A3GALT2: variants seen among roughly 807,000 people sequenced by gnomAD.
A3GALT2 encodes the protein alpha 1,3-galactosyltransferase 2.
A neutral mutation model predicts 16.6 loss-of-function variants in A3GALT2; 14 were observed. That is an observed-to-expected ratio of 0.84 (90% CI 0.56 to 1.32). The LOEUF (loss-of-function observed/expected upper bound fraction) is 1.32, where lower values mean the gene tolerates loss of function less well. A3GALT2 is among the 40% of genes most tolerant of loss of function. The pLI is 0.00. For synonymous variants in A3GALT2, 253 were observed against 218.0 expected (o/e 1.16, Z -1.42); for missense variants, 600 against 490.9 (o/e 1.22, Z -2.10).
chr1:33,308,236 G>A lies in A3GALT2; in HGVS notation c.336-783C>T, dbSNP rs114925684. Among the ~76,000 whole-genome samples, 403 of 150,512 alleles carry A rather than the reference G, an allele frequency of 2.7e-3. 3 individuals are homozygous for A. The highest frequency in any genetic ancestry group is 9.5e-3 in the African/African-American group (389 of 40,820). ...GACTGGCAGCGTTTCTCTCTTTAGAGCTCTAAGCCTCCATATAAGAAGTCC... is the reference window on the plus strand; with the variant it reads ...GACTGGCAGCGTTTCTCTCTTTAGAACTCTAAGCCTCCATATAAGAAGTCC... On this transcript the variant is annotated intron_variant, in intron 4 of 4. Coordinates refer to ENST00000442999, the MANE Select transcript of A3GALT2 (RefSeq NM_001080438.1).
In A3GALT2 at chr1:33,307,332, C is replaced by A. The variant is rs747476197; in HGVS notation, c.457G>T (p.Gly153Cys). The A allele has an allele frequency of 6.5e-7, 1 of 1,530,632 alleles. No individual in the cohort carries two copies. The highest frequency in any genetic ancestry group is 8.7e-7 in the Non-Finnish European group (1 of 1,147,206). 94.8% of individuals were successfully genotyped at this position (1,530,632 alleles called of 1,614,324 possible). The change falls in exon 5 of 5, where the codon GGC becomes TGC. Residue 153 changes from glycine to cysteine, a missense_variant. Gly to Cys is a radical substitution (Grantham distance 159, BLOSUM62 -3). Transcript: ENST00000442999. The stretch of plus-strand genomic sequence containing the variant: ...TCCACGGGCAGCCGGCGTCCCGGGC[C>A]CAGCGCCACGCGGGGCACCGCTCCC... ...LPGAVPRVALGPGRRLPVERV... is the reference protein window; with the variant it reads ...LPGAVPRVALCPGRRLPVERV...
In A3GALT2 at chr1:33,312,870, C is replaced by T. The variant is rs1233051992; in HGVS notation, c.44G>A (p.Trp15Ter). 1 of 1,606,560 alleles carries T rather than the reference C, an allele frequency of 6.2e-7. No homozygotes were observed. Among genetic ancestry groups the T allele is most frequent in the Non-Finnish European group, 8.5e-7 (1 of 1,176,650 alleles). ...EGLRAWKRIF[W>*]RQILLTLGLL... is the part of the protein sequence containing the mutation. ...GCCAAGTGTAAGTAGGATCTGCCGC[C>T]AGAAGATTCTCTTCCAGGCCCTGGG... Residue 15 changes from tryptophan to a stop codon, truncating the protein, a stop_gained, in exon 2 of 5, where the codon TGG (tryptophan) becomes TAG (stop). Coordinates refer to ENST00000442999, the MANE Select transcript of A3GALT2 (RefSeq NM_001080438.1). LOFTEE classifies it high-confidence loss of function.
At chr1:33,316,728 G>T (rs1198233342) in intron 1 of A3GALT2, among the ~76,000 whole-genome samples, 1 of 152,204 alleles carries the variant, frequency 6.6e-6, no homozygotes, top group Non-Finnish European at 1.5e-5. Flanking sequence ...GAAGATGCCT[G>T]GTTGTCTGGT....
chr1:33,321,038 C>G (rs760762237), intron 1 of A3GALT2, 38 bp downstream of exon 1: 2 of 1,612,660 alleles, frequency 1.2e-6, no homozygotes, highest in Non-Finnish European at 1.7e-6. Context: ...CAGCTGTCCC[C>G]AAGCTTTCTT....
rs1646243785 is a variant in A3GALT2 at position 33,313,174 on chromosome 1, A to AT, written c.24-285_24-284insA. The AT allele has an allele frequency of 2.0e-3, 13 of 6,598 alleles. 2 individuals carry two copies. Among genetic ancestry groups the AT allele is most frequent in the South Asian group, 5.3e-3 (2 of 378 alleles). 0.4% of individuals were successfully genotyped at this position (6,598 alleles called of 1,614,324 possible). A position where few individuals can be genotyped will look rare whatever the true frequency, so the allele number is the denominator to read the frequency against. On this transcript the variant is annotated intron_variant, in intron 1 of 4. Transcript: ENST00000442999. ...ACAAGTGTTTGTGGCTCAGTGACGG[A>AT]GTTTTTTTTTTTTTTTTTTTTTTTT...
intron 4 of A3GALT2, 70 bp from the exon 5 acceptor site, chr1:33,307,523 C>T: frequency 1.5e-6 from 2 of 1,298,268 alleles, no homozygotes; most frequent in African/African-American, 1.6e-5. Flanking sequence ...CCTCATCTCA[C>T]CTCTACTCCC....
chr1:33,313,182 T>TTTTG (rs1553181609), intron 1 of A3GALT2: 1 of 242,568 alleles, frequency 4.1e-6, no homozygotes, highest in African/African-American at 2.7e-5. Context: ...GGAGTTTTTT[T>TTTTG]TTTTTTTTTT....
rs10662364 is a variant in A3GALT2 at position 33,313,175 on chromosome 1, GT to G, written c.24-286del. 9.3e-3 allele frequency: 846 copies of G among 90,518 alleles called. 109 individuals are homozygous for G. Among genetic ancestry groups the G allele is most frequent in the South Asian group, 0.023 (92 of 4,040 alleles). 5.6% of individuals were successfully genotyped at this position (90,518 alleles called of 1,614,324 possible). The stretch of plus-strand genomic sequence containing the variant: ...CAAGTGTTTGTGGCTCAGTGACGGA[GT>G]TTTTTTTTTTTTTTTTTTTTTTTTT... On this transcript the variant is annotated intron_variant, in intron 1 of 4. Transcript: ENST00000442999.
rs1646216251 is a variant in A3GALT2, at chr1:33,308,750, G to GTTGTTTTTTTTTTTTTTTTTT, written c.336-1298_336-1297insAAAAAAAAAAAAAAAAAACAA. On this transcript the variant is annotated intron_variant, in intron 4 of 4. Transcript: ENST00000442999. Reference sequence around the variant, plus strand: ...ATTATTTTTTTGTCATGTCAAAGTTGTTTTTTTTTTTTTTTTTTTTTTTTT... The same window carrying GTTGTTTTTTTTTTTTTTTTTT: ...ATTATTTTTTTGTCATGTCAAAGTTGTTGTTTTTTTTTTTTTTTTTTTTTTTTTTTTTTTTTTTTTTTTTTT... Among the ~76,000 whole-genome samples the GTTGTTTTTTTTTTTTTTTTTT allele has an allele frequency of 1.1e-4, 5 of 46,128 alleles. 1 individual carries two copies. Among genetic ancestry groups the GTTGTTTTTTTTTTTTTTTTTT allele is most frequent in the Non-Finnish European group, 1.1e-4 (3 of 26,308 alleles). 30.3% of individuals were successfully genotyped at this position (46,128 alleles called of 152,430 possible).
Position 33,309,390 on chromosome 1 carries a change from G to A in A3GALT2, c.336-1937C>T, listed in dbSNP as rs541617845. Among the ~76,000 whole-genome samples the A allele has an allele frequency of 5.4e-5, 8 of 148,834 alleles. No individual in the cohort carries two copies. In the East Asian group the frequency reaches 6.2e-4, roughly 11 times the overall value. On this transcript the variant is annotated intron_variant, in intron 4 of 4. Coordinates refer to ENST00000442999, the MANE Select transcript of A3GALT2 (RefSeq NM_001080438.1). The stretch of plus-strand genomic sequence containing the variant: ...CTCCCAGACGGGGGGCTGGCCGGGC[G>A]GGGGCTGCCCCCCACCTCCCTCCCG...
intron 4 of A3GALT2, among the ~76,000 whole-genome samples, chr1:33,309,629 G>A (rs1031773011): frequency 1.5e-4 from 22 of 151,594 alleles, no homozygotes; most frequent in Admixed American, 4.6e-4. Context: ...CAGACGGGGT[G>A]GCGGTCGGGC....
intron 1 of A3GALT2, among the ~76,000 whole-genome samples, chr1:33,319,709 A>G (rs919159387): frequency 2.6e-5 from 4 of 152,042 alleles, no homozygotes; most frequent in African/African-American, 7.2e-5. Context: ...TCACTCCCCA[A>G]TCTCAGCATC....
In A3GALT2 at chr1:33,307,244, G is replaced by T. The variant is rs761519663; in HGVS notation, c.545C>A (p.Ala182Glu). 2.7e-6 allele frequency: 4 copies of T among 1,480,832 alleles called. No homozygotes were observed. Among genetic ancestry groups the T allele is most frequent in the African/African-American group, 2.9e-5 (2 of 68,426 alleles). 91.7% of individuals were successfully genotyped at this position (1,480,832 alleles called of 1,614,324 possible). ...GCGGCCCGGCAGCCCGCCCAGCGCC[G>T]CGTGCAACGTGCGCATGCGCGCCAT... is the stretch of plus-strand genomic sequence containing the variant. Reference protein sequence around the residue: ...VSMARMRTLHAALGGLPGREA... With the variant: ...VSMARMRTLHEALGGLPGREA... The change falls in exon 5 of 5, where the codon GCG (alanine) becomes GAG (glutamate). Residue 182 changes from alanine to glutamate, a missense_variant. Transcript: ENST00000442999.
In A3GALT2 at chr1:33,320,100, G is replaced by A. The variant is rs998803898; in HGVS notation, c.23+976C>T. On this transcript the variant is annotated intron_variant, in intron 1 of 4. Coordinates refer to ENST00000442999, the MANE Select transcript of A3GALT2 (RefSeq NM_001080438.1). This position sits in a 1 kb window ranked among gnomAD's most constrained non-coding sequence, Gnocchi z 4.3. ...GTTCTCGGCCCTGTTATTTCTCCCC[G>A]TGGGCTTGGCTTCTTCCCTTCGCAC... Among the ~76,000 whole-genome samples, 19 of 151,838 alleles carry A rather than the reference G, an allele frequency of 1.3e-4. No individual in the cohort carries two copies. The highest frequency in any genetic ancestry group is 4.3e-4 in the African/African-American group (18 of 41,382).
At chr1:33,309,154 C>T (rs910178368) in intron 4 of A3GALT2, among the ~76,000 whole-genome samples, 1 of 152,134 alleles carries the variant, frequency 6.6e-6, no homozygotes, top group African/African-American at 2.4e-5. Context: ...ATGGAGTATC[C>T]TATGTCTACT....
At chr1:33,309,061 G>A (rs552567490) in intron 4 of A3GALT2, among the ~76,000 whole-genome samples, 1 of 151,842 alleles carries the variant, frequency 6.6e-6, no homozygotes, top group Admixed American at 6.5e-5. Flanking sequence ...CACAGCACAT[G>A]TTTCAGAGAG....
At position 33,306,988 on chromosome 1, in the gene A3GALT2, C is replaced by CCGCACAGTGCGCCGTCAGT. The variant is rs1557805555; in HGVS notation, c.800_801insACTGACGGCGCACTGTGCG (p.Gly274AlafsTer?). On this transcript the variant is annotated frameshift_variant, in exon 5 of 5. Transcript: ENST00000442999. LOFTEE classifies it low-confidence loss of function (END_TRUNC). ...GGCCCCCCGCACAGTGCGCCGTCAGCCCGCGCAGCGCCGCCACGCTGCCCC... is the reference window on the plus strand; with the variant it reads ...GGCCCCCCGCACAGTGCGCCGTCAGCCGCACAGTGCGCCGTCAGTCCGCGCAGCGCCGCCACGCTGCCCC... 8 of 1,466,738 alleles carry CCGCACAGTGCGCCGTCAGT rather than the reference C, an allele frequency of 5.5e-6. No individual in the cohort carries two copies. In the African/African-American group the frequency reaches 1.0e-4, roughly 19 times the overall value. 90.9% of individuals were successfully genotyped at this position (1,466,738 alleles called of 1,614,324 possible).
chr1:33,319,826 G>A (rs1354250880), intron 1 of A3GALT2, among the ~76,000 whole-genome samples: 1 of 152,078 alleles, frequency 6.6e-6, no homozygotes, highest in Admixed American at 6.6e-5. Flanking sequence ...TAATCAGCTT[G>A]TTTCTCCTCC....
intron 3 of A3GALT2, 39 bp downstream of exon 3, chr1:33,312,462 G>A (rs60103055): frequency 0.058 from 88,132 of 1,521,934 alleles, 4,105 homozygotes; most frequent in East Asian, 0.24. Context: ...TGTAGGGTTT[G>A]GGGGTGCCCT....
Sources: allele counts gnomAD v4.1 joint callset (sites outside exome capture counted in the v4.1 genomes callset), GRCh38; gene constraint gnomAD v4.1.1; non-coding constraint Gnocchi (gnomAD v3.1); transcripts MANE v1.5; gene names NCBI Gene and HGNC (gene_info 2026-07-23, HGNC 2026-07-21).